Variants in RMDN2 observed in about 807,000 individuals in gnomAD.
RMDN2 encodes regulator of microtubule dynamics 2, also known as regulator of microtubule dynamics protein 2.
A neutral mutation model predicts 52.8 loss-of-function variants in RMDN2; 61 were observed. The observed-to-expected ratio is 1.16, with a 90% confidence interval of 0.94 to 1.43. RMDN2 has a LOEUF of 1.43. RMDN2 is among the 40% of genes most tolerant of loss of function. RMDN2 has a pLI of 0.00. For missense variants in RMDN2, 592 were observed against 475.3 expected (o/e 1.25, Z -2.28); for synonymous variants, 180 against 153.1 (o/e 1.18, Z -1.30).
At chr2:37,927,314 C>T (rs1034180238) in intron 1 of RMDN2, among the ~76,000 whole-genome samples, 1 of 152,232 alleles carries the variant, frequency 6.6e-6, no homozygotes, top group Non-Finnish European at 1.5e-5. Context: ...ACAGTTTTCA[C>T]TTCCCAGTTG....
At chr2:37,952,689 C>T (rs74762899) in intron 2 of RMDN2, 2,499 of 161,120 alleles carry the variant, frequency 0.016, 62 homozygotes, top group African/African-American at 0.056. Flanking sequence ...TTTCTCATGC[C>T]TGATGTTCCA....
At chr2:37,983,999 A>C (rs953253867) in intron 5 of RMDN2, among the ~76,000 whole-genome samples, 2 of 152,208 alleles carry the variant, frequency 1.3e-5, no homozygotes, top group Non-Finnish European at 2.9e-5. Context: ...ATCTGGCCCT[A>C]CTGCAAGAGT....
chr2:38,003,922 C>A, intron 8 of RMDN2, 69 bp from the exon 9 acceptor site: 2 of 1,158,794 alleles, frequency 1.7e-6, no homozygotes, highest in Non-Finnish European at 2.6e-6. Context: ...TAAATATATT[C>A]TCTTCACTTG....
chr2:37,948,958 G>C (rs947042011), intron 2 of RMDN2, among the ~76,000 whole-genome samples: 1 of 152,030 alleles, frequency 6.6e-6, no homozygotes, highest in African/African-American at 2.4e-5. Flanking sequence ...GCCATTGGTG[G>C]GAGTGTTAAA....
At chr2:38,001,637 TG>T (rs1242464684) in intron 8 of RMDN2, among the ~76,000 whole-genome samples, 1 of 152,198 alleles carries the variant, frequency 6.6e-6, no homozygotes, top group East Asian at 1.9e-4. Flanking sequence ...ATGCATACAC[TG>T]GGGCAAGTTA....
At chr2:38,018,223 G>T (rs1243899103), downstream of RMDN2, among the ~76,000 whole-genome samples, 1 of 152,066 alleles carries the variant, frequency 6.6e-6, no homozygotes, top group Non-Finnish European at 1.5e-5. Flanking sequence ...TTCTTCATTC[G>T]GAAAGCATTC....
intron 5 of RMDN2, among the ~76,000 whole-genome samples, chr2:37,984,229 T>A (rs143767437): frequency 6.6e-6 from 1 of 152,374 alleles, no homozygotes; most frequent in East Asian, 1.9e-4. Context: ...AAGATTCAGT[T>A]GTTTTTGTTC....
rs182018448 is a variant in RMDN2 at position 38,007,076 on chromosome 2, G to C, written c.1179+2860G>C. Among the ~76,000 whole-genome samples the C allele has an allele frequency of 1.6e-3, 248 of 152,258 alleles. 1 individual carries two copies. Among genetic ancestry groups the C allele is most frequent in the Non-Finnish European group, 2.4e-3 (166 of 68,018 alleles). Reference sequence around the variant, plus strand: ...AAGCCCACTTGATGATGGTGGATAAGCTTTTTGATGTGCTGCTGGATTCGG... The same window carrying C: ...AAGCCCACTTGATGATGGTGGATAACCTTTTTGATGTGCTGCTGGATTCGG... On this transcript the variant is annotated intron_variant, in intron 10 of 10. Transcript: ENST00000354545.
intron 10 of RMDN2, among the ~76,000 whole-genome samples, chr2:38,035,035 A>G (rs1253828638): frequency 2.6e-5 from 4 of 152,174 alleles, no homozygotes; most frequent in Non-Finnish European, 5.9e-5. Context: ...TTTGAAAGTA[A>G]TACATTAACA....
chr2:38,003,409 C>A (rs1197113911), intron 8 of RMDN2, among the ~76,000 whole-genome samples: 1 of 152,058 alleles, frequency 6.6e-6, no homozygotes, highest in African/African-American at 2.4e-5. Context: ...AAAAATTAGC[C>A]AGGCATGGTG....
rs567624675 is a variant in RMDN2, at chr2:38,033,878, C to T, written c.1713+29662C>T. Among the ~76,000 whole-genome samples, 225 of 152,272 alleles carry T rather than the reference C, an allele frequency of 1.5e-3. 3 individuals are homozygous for T. Among genetic ancestry groups the T allele is most frequent in the African/African-American group, 5.1e-3 (211 of 41,554 alleles). On this transcript the variant is annotated intron_variant, in intron 10 of 10. Transcript: ENST00000234195. Reference sequence around the variant, plus strand: ...ACAGTTAGCCTGGGAATTATCTTTACGGAATATATCAGCATATTGTTTTGA... The same window carrying T: ...ACAGTTAGCCTGGGAATTATCTTTATGGAATATATCAGCATATTGTTTTGA...
chr2:37,940,806 G>T (rs1395763447), intron 2 of RMDN2, among the ~76,000 whole-genome samples: 1 of 152,044 alleles, frequency 6.6e-6, no homozygotes, highest in African/African-American at 2.4e-5. Flanking sequence ...TTTTATCAAG[G>T]TTCTTAGTTT....
chr2:37,987,811 C>T (rs12712569), intron 5 of RMDN2, among the ~76,000 whole-genome samples: 65,842 of 151,870 alleles, frequency 0.43, 16,147 homozygotes, highest in East Asian at 0.77. Flanking sequence ...GTAATCCCAG[C>T]GCTTTGGGAG....
intron 2 of RMDN2, among the ~76,000 whole-genome samples, chr2:37,960,386 C>T (rs545173346): frequency 2.6e-5 from 4 of 152,012 alleles, no homozygotes; most frequent in East Asian, 1.9e-4. Flanking sequence ...CACTAATCCC[C>T]TTACCATTAT....
At chr2:38,019,842 T>C (rs1679205235), downstream of RMDN2, among the ~76,000 whole-genome samples, 1 of 152,098 alleles carries the variant, frequency 6.6e-6, no homozygotes, top group Non-Finnish European at 1.5e-5. Flanking sequence ...GGAGGATTAC[T>C]TCAACCCAGG....
chr2:37,988,606 T>C lies in RMDN2; in HGVS notation c.792-935T>C, dbSNP rs114036779. ...ACTGTTTTTTTGTACTTGGAAGTTA[T>C]GGATATTCATAGAAATGGCTGAGAT... On this transcript the variant is annotated intron_variant, in intron 5 of 10. Transcript: ENST00000354545. Among the ~76,000 whole-genome samples the C allele has an allele frequency of 9.7e-3, 1,475 of 152,332 alleles. 26 individuals carry two copies. Among genetic ancestry groups the C allele is most frequent in the African/African-American group, 0.034 (1,393 of 41,576 alleles).
intron 2 of RMDN2, among the ~76,000 whole-genome samples, chr2:37,933,098 G>A (rs1666966057): frequency 6.6e-6 from 1 of 151,672 alleles, no homozygotes; most frequent in South Asian, 2.1e-4. Context: ...CACTTCTCAG[G>A]GCGGCTGGGC....
At chr2:37,975,164 A>G (rs1672299742) in intron 3 of RMDN2, 48 bp from the exon 4 acceptor site, 1 of 1,099,584 alleles carries the variant, frequency 9.1e-7, no homozygotes, top group Non-Finnish European at 1.4e-6. Flanking sequence ...AATAGAATAG[A>G]CAAGTTACCA....
intron 2 of RMDN2, among the ~76,000 whole-genome samples, chr2:37,931,421 C>T (rs1572677216): frequency 6.6e-6 from 1 of 152,162 alleles, no homozygotes; most frequent in African/African-American, 2.4e-5. Flanking sequence ...ATTTCTTCAT[C>T]GTGTGTCCTG....
Sources: allele counts gnomAD v4.1 joint callset (sites outside exome capture counted in the v4.1 genomes callset), GRCh38; gene constraint gnomAD v4.1.1; transcripts MANE v1.5; gene names NCBI Gene and HGNC (gene_info 2026-07-23, HGNC 2026-07-21).